SMYD3: variants seen among roughly 807,000 people sequenced by gnomAD.
SMYD3 encodes the protein histone-lysine N-methyltransferase SMYD3.
SMYD3 carries 36 observed loss-of-function variants against 57.7 expected under a neutral mutation model. The observed-to-expected ratio is 0.62, with a 90% CI of 0.48 to 0.82. The LOEUF (loss-of-function observed/expected upper bound fraction) is 0.82. SMYD3 is among the 40% of genes least tolerant of loss of function. The probability of loss-of-function intolerance (pLI) is 0.00; values close to 1 mark genes in which losing one functional copy is unlikely to be tolerated. For missense variants in SMYD3, 515 were observed against 538.8 expected (o/e 0.96, Z 0.44); for synonymous variants, 211 against 195.0 (o/e 1.08, Z -0.68).
At chr1:245,977,271 C>T (rs1223708593) in intron 5 of SMYD3, among the ~76,000 whole-genome samples, 7 of 152,226 alleles carry the variant, frequency 4.6e-5, no homozygotes, top group South Asian at 2.1e-4. Flanking sequence ...CCTAACACGG[C>T]TCCGCTTGAT....
intron 5 of SMYD3, among the ~76,000 whole-genome samples, chr1:246,107,565 C>A (rs532756474): frequency 1.3e-4 from 20 of 151,672 alleles, no homozygotes; most frequent in Non-Finnish European, 1.8e-4. Flanking sequence ...CTCAGGTCTT[C>A]CCTTAGTAAT....
At chr1:246,352,874 T>TTTTATTAATAAACTGTTTATTAAGA (rs1558418827) in intron 2 of SMYD3, among the ~76,000 whole-genome samples, 2 of 151,914 alleles carry the variant, frequency 1.3e-5, no homozygotes, top group Non-Finnish European at 2.9e-5. Context: ...GTTTATTAAG[T>TTTTATTAATAAACTGTTTATTAAGA]GTTTTATTAA....
At chr1:246,012,011 T>C (rs903822004) in intron 5 of SMYD3, among the ~76,000 whole-genome samples, 52 of 152,212 alleles carry the variant, frequency 3.4e-4, no homozygotes, top group Admixed American at 2.9e-3. Flanking sequence ...CAGCTACCAA[T>C]TGCTTGCTGG....
intron 5 of SMYD3, among the ~76,000 whole-genome samples, chr1:246,003,174 G>C (rs564720497): frequency 6.6e-6 from 1 of 152,180 alleles, no homozygotes; most frequent in Non-Finnish European, 1.5e-5. Flanking sequence ...GCACACAGAA[G>C]AACCGAACCC....
chr1:245,867,948 T>G (rs10802284), intron 8 of SMYD3, among the ~76,000 whole-genome samples: 1 of 152,136 alleles, frequency 6.6e-6, no homozygotes, highest in Admixed American at 6.5e-5. Flanking sequence ...AGTGTGTGCA[T>G]GTCATATCTT....
intron 5 of SMYD3, among the ~76,000 whole-genome samples, chr1:246,076,899 G>A (rs185620053): frequency 1.3e-5 from 2 of 152,186 alleles, no homozygotes; most frequent in Admixed American, 1.3e-4. Context: ...AAAATACATA[G>A]GATATATATA....
intron 5 of SMYD3, among the ~76,000 whole-genome samples, chr1:246,041,166 C>T (rs182732217): frequency 8.5e-5 from 13 of 152,188 alleles, no homozygotes; most frequent in Non-Finnish European, 1.8e-4. Context: ...CTTCACAGCC[C>T]AGGTGTATAG....
At chr1:246,242,501 T>A (rs1216470970) in intron 5 of SMYD3, among the ~76,000 whole-genome samples, 1 of 152,138 alleles carries the variant, frequency 6.6e-6, no homozygotes, top group East Asian at 1.9e-4. Context: ...GAGGAGTGCT[T>A]TACTGAGACC....
intron 10 of SMYD3, among the ~76,000 whole-genome samples, chr1:245,774,570 A>G (rs1316995127): frequency 6.6e-6 from 1 of 152,224 alleles, no homozygotes; most frequent in Non-Finnish European, 1.5e-5. Flanking sequence ...GGTTGCACAT[A>G]TATTAAAATA....
intron 5 of SMYD3, among the ~76,000 whole-genome samples, chr1:245,998,988 T>C (rs369476833): frequency 1.1e-4 from 16 of 151,988 alleles, no homozygotes; most frequent in African/African-American, 3.4e-4. Flanking sequence ...TGTCCAGGGT[T>C]GAGGTGAAAG....
chr1:246,074,377 AC>A (rs970177462), intron 5 of SMYD3, among the ~76,000 whole-genome samples: 3 of 151,934 alleles, frequency 2.0e-5, no homozygotes, highest in South Asian at 2.1e-4. Flanking sequence ...AAAAAAAAAA[AC>A]AAACTGTGAA....
At chr1:246,480,172 C>T (rs1476579241) in intron 1 of SMYD3, among the ~76,000 whole-genome samples, 1 of 152,142 alleles carries the variant, frequency 6.6e-6, no homozygotes, top group Non-Finnish European at 1.5e-5. Context: ...TTTACATTCA[C>T]AGAGTTGTGT....
intron 5 of SMYD3, among the ~76,000 whole-genome samples, chr1:245,957,636 A>C (rs899319745): frequency 1.3e-5 from 2 of 152,150 alleles, no homozygotes; most frequent in African/African-American, 4.8e-5. Flanking sequence ...TCTATACTTG[A>C]GTAGGCACAA....
intron 1 of SMYD3, among the ~76,000 whole-genome samples, chr1:246,403,730 T>C (rs2066812810): frequency 6.6e-6 from 1 of 152,212 alleles, no homozygotes; most frequent in East Asian, 1.9e-4. Flanking sequence ...TGAAAATTAA[T>C]AACTAATGCT....
At chr1:246,285,310 C>T (rs575039976) in intron 5 of SMYD3, among the ~76,000 whole-genome samples, 1 of 152,296 alleles carries the variant, frequency 6.6e-6, no homozygotes, top group South Asian at 2.1e-4. Flanking sequence ...CTTTCTATGG[C>T]TGAGTAATAT....
intron 5 of SMYD3, among the ~76,000 whole-genome samples, chr1:245,962,253 G>GC (rs989867803): frequency 6.6e-6 from 1 of 152,186 alleles, no homozygotes; most frequent in Non-Finnish European, 1.5e-5. Context: ...TGTTTTTCCT[G>GC]CCACCCTTGG....
intron 5 of SMYD3, among the ~76,000 whole-genome samples, chr1:246,163,658 T>C (rs1031682717): frequency 6.6e-6 from 1 of 152,234 alleles, no homozygotes; most frequent in Non-Finnish European, 1.5e-5. Flanking sequence ...TTAATTTAGA[T>C]ACTCTTTAAA....
intron 11 of SMYD3, among the ~76,000 whole-genome samples, chr1:245,760,410 T>C (rs191159065): frequency 6.6e-6 from 1 of 152,232 alleles, no homozygotes; most frequent in Admixed American, 6.5e-5. Flanking sequence ...AGAAAGACTT[T>C]CTTCAGGAAG....
intron 5 of SMYD3, among the ~76,000 whole-genome samples, chr1:246,027,363 C>T (rs1197252343): frequency 6.6e-6 from 1 of 152,194 alleles, no homozygotes; most frequent in African/African-American, 2.4e-5. Context: ...CCATCTAAGA[C>T]TTCCATAACT....
Sources: gnomAD v4.1 joint callset for allele counts (sites outside exome capture counted in the v4.1 genomes callset) on GRCh38, gnomAD v4.1.1 for gene constraint, MANE v1.5 for transcripts, NCBI Gene and HGNC (gene_info 2026-07-23, HGNC 2026-07-21) for gene names.